Variants in SYT16 observed in about 807,000 individuals in gnomAD.
The protein encoded by SYT16 is synaptotagmin 16, also known as synaptotagmin-16.
A neutral mutation model predicts 61.4 loss-of-function variants in SYT16; 42 were observed. That is an observed-to-expected ratio of 0.68 (90% CI 0.53 to 0.89). The LOEUF (loss-of-function observed/expected upper bound fraction) is 0.89, where lower values mean the gene tolerates loss of function less well. Among genes scored for constraint, SYT16 ranks in the 40% least tolerant of loss-of-function variants. The pLI is 0.00. For missense variants in SYT16, 804 were observed against 807.3 expected (o/e 1.00, Z 0.05); for synonymous variants, 314 against 302.3 (o/e 1.04, Z -0.40).
chr14:61,866,987 T>C (rs558082204), intron 1 of SYT16, among the ~76,000 whole-genome samples: 7 of 152,016 alleles, frequency 4.6e-5, no homozygotes, highest in Non-Finnish European at 7.4e-5. Flanking sequence ...ATGTAATTAT[T>C]TTAATAGCAC....
chr14:62,025,962 A>C (rs2140780318), intron 3 of SYT16, among the ~76,000 whole-genome samples: 1 of 152,170 alleles, frequency 6.6e-6, no homozygotes, highest in South Asian at 2.1e-4. Flanking sequence ...ATATTAAACT[A>C]TTCTTGAATT....
At chr14:62,057,420 G>T (rs949264971) in intron 3 of SYT16, among the ~76,000 whole-genome samples, 1 of 152,174 alleles carries the variant, frequency 6.6e-6, no homozygotes, top group African/African-American at 2.4e-5. Context: ...AGGGAAGAGG[G>T]TCCAATAACT....
At chr14:62,015,584 G>A (rs773116873) in intron 3 of SYT16, among the ~76,000 whole-genome samples, 3 of 152,132 alleles carry the variant, frequency 2.0e-5, no homozygotes, top group Admixed American at 6.5e-5. Flanking sequence ...ATAGTCCCCA[G>A]TATGATGGTA....
intron 1 of SYT16, among the ~76,000 whole-genome samples, chr14:61,965,374 A>G (rs2051274450): frequency 6.6e-6 from 1 of 152,230 alleles, no homozygotes. Context: ...TCATAAGCAC[A>G]GAAAAAGATG....
chr14:61,957,116 G>C (rs2050908948), intron 1 of SYT16, among the ~76,000 whole-genome samples: 1 of 151,784 alleles, frequency 6.6e-6, no homozygotes, highest in South Asian at 2.1e-4. Context: ...CATTGTTAGT[G>C]TATAGAAGCA....
intron 1 of SYT16, among the ~76,000 whole-genome samples, chr14:61,886,207 G>A (rs1189036886): frequency 1.3e-5 from 2 of 151,846 alleles, no homozygotes; most frequent in African/African-American, 2.4e-5. Context: ...CTCGTGATCC[G>A]CCTGCCTCGG....
In SYT16 at chr14:62,105,690, G is replaced by T. The variant is rs1034363559; in HGVS notation, c.*4983G>T. The T allele has an allele frequency of 6.6e-6, 1 of 152,228 alleles. No homozygotes were observed. Among genetic ancestry groups the T allele is most frequent in the Non-Finnish European group, 1.5e-5 (1 of 68,036 alleles). The allele number at this position is 152,228 out of a possible 1,614,324, so 9.4% of individuals were successfully genotyped here. ...AGGAGAGTTTCTGGAGAATTTAGAA[G>T]AATCTTTGTTGACATTTAATCTAGA... On this transcript the variant is annotated 3_prime_UTR_variant, in exon 8 of 8. Transcript: ENST00000683842.
At position 62,111,735 on chromosome 14, in the gene SYT16, A is replaced by C. The variant is rs2141045396; in HGVS notation, c.*11028A>C. The C allele has an allele frequency of 6.6e-6, 1 of 152,176 alleles. No homozygotes were observed. The highest frequency in any genetic ancestry group is 3.4e-3 in the Middle Eastern group (1 of 294). The allele number at this position is 152,176 out of a possible 1,614,324, so 9.4% of individuals were successfully genotyped here. A position where few individuals can be genotyped will look rare whatever the true frequency, so the allele number is the denominator to read the frequency against. Reference sequence around the variant, plus strand: ...ATTATAGTTCCTCCTCTAGTTTTCCAGTAGAGAATTCGTATGTGGTCCAGA... The same window carrying C: ...ATTATAGTTCCTCCTCTAGTTTTCCCGTAGAGAATTCGTATGTGGTCCAGA... On this transcript the variant is annotated 3_prime_UTR_variant, in exon 8 of 8. Transcript: ENST00000683842.
chr14:61,920,455 G>A (rs1185458044), intron 1 of SYT16, among the ~76,000 whole-genome samples: 1 of 152,072 alleles, frequency 6.6e-6, no homozygotes, highest in African/African-American at 2.4e-5. Context: ...GCCCCGGTGT[G>A]TGATGAAGAA....
At chr14:62,069,289 A>G (rs2056197258) in intron 3 of SYT16, among the ~76,000 whole-genome samples, 1 of 152,232 alleles carries the variant, frequency 6.6e-6, no homozygotes, top group Admixed American at 6.5e-5. Context: ...TTATGAACAC[A>G]TTTAAGCAGC....
Position 61,952,217 on chromosome 14 carries a change from A to G in SYT16, c.-324-17915A>G, listed in dbSNP as rs188493944. Among the ~76,000 whole-genome samples, 523 of 152,168 alleles carry G rather than the reference A, an allele frequency of 3.4e-3. 2 individuals are homozygous for G. The highest frequency in any genetic ancestry group is 0.012 in the African/African-American group (492 of 41,500). Reference sequence around the variant, plus strand: ...ATTCAGCAACATAAGCATGCCATTGAAAACCCAGCCATCCAGAAATGTTGA... The same window carrying G: ...ATTCAGCAACATAAGCATGCCATTGGAAACCCAGCCATCCAGAAATGTTGA... On this transcript the variant is annotated intron_variant, in intron 1 of 7. Transcript: ENST00000683842.
At chr14:62,018,597 G>A (rs1177577608) in intron 3 of SYT16, among the ~76,000 whole-genome samples, 2 of 152,072 alleles carry the variant, frequency 1.3e-5, no homozygotes, top group African/African-American at 4.8e-5. Context: ...ATGAGCCATC[G>A]TGCCTGGTCT....
At chr14:62,021,497 T>G (rs569285708) in intron 3 of SYT16, among the ~76,000 whole-genome samples, 8 of 151,674 alleles carry the variant, frequency 5.3e-5, no homozygotes, top group Non-Finnish European at 8.8e-5. Flanking sequence ...TGTTGTTTTT[T>G]TCCTGTTCCC....
chr14:62,061,984 G>C (rs1388317392), intron 3 of SYT16, among the ~76,000 whole-genome samples: 3 of 152,100 alleles, frequency 2.0e-5, no homozygotes, highest in Non-Finnish European at 2.9e-5. Flanking sequence ...TACTTGTAGA[G>C]GGGTTAGTTT....
intron 3 of SYT16, among the ~76,000 whole-genome samples, chr14:62,056,902 G>T (rs2055583535): frequency 6.6e-6 from 1 of 152,218 alleles, no homozygotes; most frequent in South Asian, 2.1e-4. Context: ...GGCGCCCAAG[G>T]GTCAGCGGCA....
At chr14:61,924,619 C>T (rs1015678041) in intron 1 of SYT16, among the ~76,000 whole-genome samples, 4 of 152,156 alleles carry the variant, frequency 2.6e-5, no homozygotes, top group African/African-American at 9.7e-5. Context: ...ACATATTGCA[C>T]CAACTTGTGC....
At chr14:62,042,995 A>T (rs1595240580) in intron 3 of SYT16, among the ~76,000 whole-genome samples, 1 of 151,624 alleles carries the variant, frequency 6.6e-6, no homozygotes, top group African/African-American at 2.4e-5. Flanking sequence ...TGCCTGTTTT[A>T]TGTCTATGTG....
At chr14:62,040,324 A>G (rs1490672258) in intron 3 of SYT16, among the ~76,000 whole-genome samples, 3 of 152,218 alleles carry the variant, frequency 2.0e-5, no homozygotes, top group Admixed American at 6.5e-5. Flanking sequence ...AGAGAGAAAG[A>G]TGCTAGAGGG....
chr14:61,988,445 G>T (rs1323486716), intron 2 of SYT16, among the ~76,000 whole-genome samples: 2 of 152,004 alleles, frequency 1.3e-5, no homozygotes, highest in East Asian at 3.9e-4. Context: ...TCTCTGCCTT[G>T]GATAGAATAA....
Sources: gnomAD v4.1 joint callset for allele counts (sites outside exome capture counted in the v4.1 genomes callset) on GRCh38, gnomAD v4.1.1 for gene constraint, MANE v1.5 for transcripts, NCBI Gene and HGNC (gene_info 2026-07-23, HGNC 2026-07-21) for gene names.